Variants in PDE10A observed in about 807,000 individuals in gnomAD.
PDE10A encodes cAMP and cAMP-inhibited cGMP 3',5'-cyclic phosphodiesterase 10A.
In PDE10A, 39 loss-of-function variants were observed where a neutral mutation model predicts 97.7. The observed-to-expected ratio is 0.40, with a 90% CI of 0.31 to 0.52. The LOEUF (loss-of-function observed/expected upper bound fraction) is 0.52. Ranked by LOEUF, PDE10A falls within the 20% of genes least tolerant of loss-of-function variation. The pLI is 0.56. For synonymous variants in PDE10A, 371 were observed against 376.8 expected, an observed-to-expected ratio of 0.98 and a Z score of 0.18; for missense variants, 731 against 1,047.8, an observed-to-expected ratio of 0.70 and a Z score of 4.17.
At chr6:165,358,500 T>G in intron 18 of PDE10A, among the ~76,000 whole-genome samples, 1 of 135,440 alleles carries the variant, frequency 7.4e-6, no homozygotes, top group East Asian at 2.1e-4. Context: ...AATTTTAATA[T>G]AGGTACACCA....
chr6:165,934,958 G>GA (rs920979575), intron 1 of PDE10A, among the ~76,000 whole-genome samples: 4 of 152,166 alleles, frequency 2.6e-5, no homozygotes, highest in Non-Finnish European at 4.4e-5. Context: ...CCAAGTGTGT[G>GA]AAAAAAATAG....
intron 1 of PDE10A, among the ~76,000 whole-genome samples, chr6:165,565,151 G>A (rs1784712882): frequency 6.6e-6 from 1 of 152,140 alleles, no homozygotes; most frequent in Non-Finnish European, 1.5e-5. Flanking sequence ...GTTTGGGAAG[G>A]AAGAAATAAA....
chr6:165,976,774 G>T (rs1784858060), intron 1 of PDE10A, among the ~76,000 whole-genome samples: 1 of 152,180 alleles, frequency 6.6e-6, no homozygotes, highest in Non-Finnish European at 1.5e-5. Flanking sequence ...CACCACACCA[G>T]CTCACAATAA....
At chr6:165,768,495 A>C (rs1777923215) in intron 1 of PDE10A, among the ~76,000 whole-genome samples, 1 of 152,216 alleles carries the variant, frequency 6.6e-6, no homozygotes, top group South Asian at 2.1e-4. Context: ...CTTCACTTAA[A>C]ATAAATGCTC....
chr6:165,473,966 G>A (rs1779155738), intron 3 of PDE10A, among the ~76,000 whole-genome samples: 1 of 152,212 alleles, frequency 6.6e-6, no homozygotes, highest in Non-Finnish European at 1.5e-5. Flanking sequence ...GATTCATACA[G>A]AAACTCTGAA....
chr6:165,516,472 T>C (rs566026496), intron 2 of PDE10A, among the ~76,000 whole-genome samples: 1 of 152,336 alleles, frequency 6.6e-6, no homozygotes, highest in Non-Finnish European at 1.5e-5. Flanking sequence ...CCTGTTTTTA[T>C]GGACCTACAT....
intron 1 of PDE10A, among the ~76,000 whole-genome samples, chr6:165,685,485 G>A (rs895696338): frequency 6.6e-5 from 10 of 151,882 alleles, no homozygotes; most frequent in African/African-American, 1.9e-4. Flanking sequence ...AGAGAAAATC[G>A]GACACACTGT....
At chr6:165,574,919 T>C (rs1785227786) in intron 1 of PDE10A, among the ~76,000 whole-genome samples, 2 of 152,170 alleles carry the variant, frequency 1.3e-5, no homozygotes, top group Admixed American at 1.3e-4. Context: ...GGTCATGCCA[T>C]TATAAACCAT....
chr6:165,339,043 G>A (rs1286318429), intron 20 of PDE10A, among the ~76,000 whole-genome samples: 1 of 152,146 alleles, frequency 6.6e-6, no homozygotes, highest in African/African-American at 2.4e-5. Flanking sequence ...GAGTGTCTTA[G>A]CAAGTGAAGG....
chr6:165,907,492 T>C lies in PDE10A; in HGVS notation c.-615+80037A>G, dbSNP rs1360513657. ...GCATTGCACAGTGGGAGCCGCACTC[T>C]CTCTGCAGACTCTGCAAAGAGGAGC... On this transcript the variant is annotated intron_variant, in intron 1 of 19. Transcript: ENST00000366882. 5.3e-5 allele frequency among the ~76,000 whole-genome samples: 8 copies of C among 152,230 alleles called. 1 individual carries two copies. Among genetic ancestry groups the C allele is most frequent in the African/African-American group, 2.4e-5 (1 of 41,474 alleles).
upstream of PDE10A, among the ~76,000 whole-genome samples, chr6:165,664,038 G>C (rs569696339): frequency 4.2e-4 from 64 of 152,302 alleles, no homozygotes; most frequent in African/African-American, 1.3e-3. Flanking sequence ...CGCTGGGTCC[G>C]AGGAGGGGCG....
At chr6:165,503,393 T>C (rs1435854390) in intron 2 of PDE10A, among the ~76,000 whole-genome samples, 1 of 152,160 alleles carries the variant, frequency 6.6e-6, no homozygotes, top group Admixed American at 6.5e-5. Context: ...ACCAAAGCAA[T>C]CTGCACAGGG....
intron 1 of PDE10A, among the ~76,000 whole-genome samples, chr6:165,607,269 C>T (rs567419409): frequency 2.0e-5 from 3 of 152,104 alleles, no homozygotes; most frequent in Non-Finnish European, 4.4e-5. Flanking sequence ...CCATGCACAG[C>T]GTAATGATGT....
chr6:165,765,285 T>G (rs865807194), intron 1 of PDE10A, among the ~76,000 whole-genome samples: 9 of 152,270 alleles, frequency 5.9e-5, no homozygotes, highest in South Asian at 2.1e-4. Flanking sequence ...CCATGCGCTC[T>G]CACTCCTCAG....
chr6:165,644,467 CA>C, intron 1 of PDE10A, among the ~76,000 whole-genome samples: 1 of 152,330 alleles, frequency 6.6e-6, no homozygotes, highest in Admixed American at 6.5e-5. Flanking sequence ...TGGGAGAAAC[CA>C]CCAGCACCTT....
At chr6:165,965,802 G>A (rs1456491238) in intron 1 of PDE10A, among the ~76,000 whole-genome samples, 1 of 152,186 alleles carries the variant, frequency 6.6e-6, no homozygotes, top group Admixed American at 6.5e-5. Context: ...TATGTAGCTG[G>A]GGCTCTGCCT....
At chr6:165,338,888 G>A (rs1781807540) in intron 20 of PDE10A, among the ~76,000 whole-genome samples, 1 of 152,154 alleles carries the variant, frequency 6.6e-6, no homozygotes, top group Non-Finnish European at 1.5e-5. Flanking sequence ...TCTGTCCTCT[G>A]AGCACTAAGT....
intron 18 of PDE10A, among the ~76,000 whole-genome samples, chr6:165,364,430 T>C (rs1783629510): frequency 6.6e-6 from 1 of 152,178 alleles, no homozygotes; most frequent in Non-Finnish European, 1.5e-5. Flanking sequence ...GGAATACTCA[T>C]ACCCCAAATA....
chr6:165,910,041 G>A (rs1185532102), intron 1 of PDE10A, among the ~76,000 whole-genome samples: 2 of 152,002 alleles, frequency 1.3e-5, no homozygotes, highest in African/African-American at 2.4e-5. Context: ...TTCTCCTCTA[G>A]AATGCAAGGC....
Sources: allele counts gnomAD v4.1 joint callset (sites outside exome capture counted in the v4.1 genomes callset), GRCh38; gene constraint gnomAD v4.1.1; transcripts MANE v1.5; gene names NCBI Gene and HGNC (gene_info 2026-07-23, HGNC 2026-07-21).